PRMT8: variants seen among roughly 807,000 people sequenced by gnomAD.
PRMT8 encodes the protein protein arginine N-methyltransferase 8.
Under a neutral mutation model 47.1 loss-of-function variants are expected in PRMT8, and 7 were observed. That is an observed-to-expected ratio of 0.15 (90% CI 0.08 to 0.28). PRMT8 has a LOEUF of 0.28. Ranked by LOEUF, PRMT8 falls within the 10% of genes least tolerant of loss-of-function variation. The pLI, the probability that PRMT8 is intolerant of heterozygous loss-of-function variation, is 1.00. For synonymous variants in PRMT8, 188 were observed against 186.5 expected (o/e 1.01, Z -0.07); for missense variants, 237 against 505.4 (o/e 0.47, Z 5.09).
chr12:3,415,333 A>G (rs1864473327), intron 1 of PRMT8, among the ~76,000 whole-genome samples: 2 of 152,056 alleles, frequency 1.3e-5, no homozygotes, highest in Non-Finnish European at 2.9e-5. Flanking sequence ...TTGAATTTTT[A>G]TGGAGACTTC....
chr12:3,489,084 G>A (rs1037231056), upstream of PRMT8, among the ~76,000 whole-genome samples: 2 of 152,106 alleles, frequency 1.3e-5, no homozygotes, highest in African/African-American at 4.8e-5. Context: ...GCTGGCTCTG[G>A]GTTGGATGGG....
At chr12:3,465,327 A>G (rs1453996991) in intron 1 of PRMT8, among the ~76,000 whole-genome samples, 1 of 148,570 alleles carries the variant, frequency 6.7e-6, no homozygotes, top group Admixed American at 6.7e-5. Context: ...CATTAAATAA[A>G]AATAAAATAA....
At chr12:3,541,547 CTA>C (rs1337425639) in intron 2 of PRMT8, among the ~76,000 whole-genome samples, 1 of 152,188 alleles carries the variant, frequency 6.6e-6, no homozygotes, top group East Asian at 1.9e-4. Flanking sequence ...CATTTAAACT[CTA>C]TGAAGAAAAT....
At chr12:3,413,462 A>G (rs1012111216) in intron 1 of PRMT8, among the ~76,000 whole-genome samples, 2 of 152,164 alleles carry the variant, frequency 1.3e-5, no homozygotes, top group Non-Finnish European at 1.5e-5. Context: ...CACGCATAGT[A>G]TCCTAGGCCT....
At chr12:3,553,306 G>A (rs906077750) in intron 3 of PRMT8, 9 of 341,668 alleles carry the variant, frequency 2.6e-5, no homozygotes, top group Admixed American at 8.8e-5. Flanking sequence ...GCCTTCCCGC[G>A]TCCCCCACGG....
At chr12:3,440,620 T>C (rs1024399794) in intron 1 of PRMT8, among the ~76,000 whole-genome samples, 2 of 152,104 alleles carry the variant, frequency 1.3e-5, no homozygotes, top group African/African-American at 4.8e-5. Context: ...TACAGTGGCC[T>C]CCTGACTAGT....
intron 1 of PRMT8, among the ~76,000 whole-genome samples, chr12:3,404,475 C>A (rs1337970087): frequency 6.6e-6 from 1 of 152,206 alleles, no homozygotes; most frequent in African/African-American, 2.4e-5. Context: ...CCACCCAGGT[C>A]AAGAAATAGA....
chr12:3,396,118 G>A lies in PRMT8; in HGVS notation c.48+14676G>A, dbSNP rs1864246405. The stretch of plus-strand genomic sequence containing the variant: ...AGCCTATGTGTGTCTCTGCATGTGA[G>A]ATGGGTTTCCTGAGTACAGCACACT... On this transcript the variant is annotated intron_variant, in intron 1 of 9. Coordinates refer to the PRMT8 transcript ENST00000452611. 3.9e-5 allele frequency among the ~76,000 whole-genome samples: 6 copies of A among 152,302 alleles called. No homozygotes were observed. The South Asian group carries it at 1.2e-3, about 32-fold the overall frequency.
intron 3 of PRMT8, chr12:3,551,300 T>A (rs1001418887): frequency 1.3e-5 from 2 of 152,274 alleles, no homozygotes; most frequent in Admixed American, 1.3e-4. Flanking sequence ...GCTGTGACGT[T>A]CTCAGCCGAG....
In PRMT8 at chr12:3,409,058, T is replaced by G. The variant is rs1289513221; in HGVS notation, c.48+27616T>G. On this transcript the variant is annotated intron_variant, in intron 1 of 9. Coordinates refer to the PRMT8 transcript ENST00000452611. This position sits in a 1 kb window ranked among gnomAD's most constrained non-coding sequence, Gnocchi z 4.4. ...GGTTCTGGGGTGCAGGTGCTCAGAGTGGCTGTAAAGCCCAAGTCCTGGGCC... is the reference window on the plus strand; with the variant it reads ...GGTTCTGGGGTGCAGGTGCTCAGAGGGGCTGTAAAGCCCAAGTCCTGGGCC... Among the ~76,000 whole-genome samples the G allele has an allele frequency of 6.6e-6, 1 of 151,976 alleles. No homozygotes were observed. The highest frequency in any genetic ancestry group is 1.9e-4 in the East Asian group (1 of 5,178).
intron 1 of PRMT8, among the ~76,000 whole-genome samples, chr12:3,523,876 CTA>C (rs1403340841): frequency 1.3e-5 from 2 of 152,258 alleles, no homozygotes; most frequent in East Asian, 1.9e-4. Flanking sequence ...TTCTGCCTCT[CTA>C]TGCAGGGGCA....
intron 1 of PRMT8, among the ~76,000 whole-genome samples, chr12:3,382,034 T>G (rs898040373): frequency 6.6e-6 from 1 of 152,240 alleles, no homozygotes; most frequent in Non-Finnish European, 1.5e-5. Context: ...CTCTGGAGAT[T>G]CATCCAAGTT....
chr12:3,392,724 C>A (rs1029289361), intron 1 of PRMT8, among the ~76,000 whole-genome samples: 4 of 152,166 alleles, frequency 2.6e-5, no homozygotes, highest in African/African-American at 9.6e-5. Context: ...TGGGTATATA[C>A]CCAGTAATGG....
chr12:3,431,627 G>T (rs1481894695), intron 1 of PRMT8, among the ~76,000 whole-genome samples: 1 of 152,182 alleles, frequency 6.6e-6, no homozygotes, highest in Non-Finnish European at 1.5e-5. Flanking sequence ...TTCCAAGAAG[G>T]AGAGGTACGT....
chr12:3,388,487 G>A (rs186774019), intron 1 of PRMT8, among the ~76,000 whole-genome samples: 13 of 152,146 alleles, frequency 8.5e-5, no homozygotes, highest in Admixed American at 2.6e-4. Flanking sequence ...TCTGTGGAGC[G>A]ATACTTTGAG....
chr12:3,533,084 C>G (rs912020753), intron 1 of PRMT8, among the ~76,000 whole-genome samples: 1 of 152,148 alleles, frequency 6.6e-6, no homozygotes, highest in Non-Finnish European at 1.5e-5. Context: ...TGGGCTCTGC[C>G]AAGATCCCAG....
In PRMT8 at chr12:3,576,090, C is replaced by A. The variant is rs1866938263; in HGVS notation, c.713-781C>A. On this transcript the variant is annotated intron_variant, in intron 6 of 9. Coordinates refer to ENST00000382622, the MANE Select transcript of PRMT8 (RefSeq NM_019854.5). This position sits in a 1 kb window ranked among gnomAD's most constrained non-coding sequence, Gnocchi z 4.0. ...CTTGAATTAATTTCTCACCAACCCC[C>A]TAGATCTTTCTCCCTCCCATACAAA... Among the ~76,000 whole-genome samples the A allele has an allele frequency of 6.6e-6, 1 of 152,132 alleles. No homozygotes were observed.
rs773331967 is a variant in PRMT8, at chr12:3,583,256, C to T, written c.979+48C>T. 2 of 1,560,624 alleles carry T rather than the reference C, an allele frequency of 1.3e-6. No individual in the cohort carries two copies. The highest frequency in any genetic ancestry group is 8.7e-7 in the Non-Finnish European group (1 of 1,149,938). ...GAGCCTCCTCCCTCTCCCATGCTTC[C>T]TCAAGTCTTTGTGGGGTGACCAGAG... On this transcript the variant is annotated intron_variant, in intron 8 of 9. Transcript: ENST00000382622. The surrounding 1 kb of genome is among the most constrained non-coding windows in gnomAD (Gnocchi z 4.7).
At chr12:3,498,224 C>G (rs1039658210) in intron 1 of PRMT8, among the ~76,000 whole-genome samples, 1 of 152,212 alleles carries the variant, frequency 6.6e-6, no homozygotes, top group Admixed American at 6.5e-5. Flanking sequence ...GTTATTTGCT[C>G]AAAATCCCAC....
Sources: gnomAD v4.1 joint callset for allele counts (sites outside exome capture counted in the v4.1 genomes callset) on GRCh38, gnomAD v4.1.1 for gene constraint, Gnocchi (gnomAD v3.1) non-coding constraint, MANE v1.5 for transcripts, NCBI Gene and HGNC (gene_info 2026-07-23, HGNC 2026-07-21) for gene names.